Variants in SUPT20H observed in about 807,000 individuals in gnomAD.
SUPT20H encodes the protein SPT20 homolog, SAGA complex component, also known as transcription factor SPT20 homolog.
A neutral mutation model predicts 122.8 loss-of-function variants in SUPT20H; 82 were observed. The ratio of observed to expected loss-of-function variants is 0.67; its 90% confidence interval spans 0.56 to 0.80. SUPT20H has a LOEUF of 0.80. Among genes scored for constraint, SUPT20H ranks in the 30% least tolerant of loss-of-function variants. The pLI is 0.00. For synonymous variants in SUPT20H, 291 were observed against 313.0 expected, an observed-to-expected ratio of 0.93 and a Z score of 0.74; for missense variants, 831 against 921.6, an observed-to-expected ratio of 0.90 and a Z score of 1.27.
intron 15 of SUPT20H, among the ~76,000 whole-genome samples, chr13:37,026,570 CTGAACTAACA>C (rs2062321947): frequency 1.3e-5 from 2 of 152,198 alleles, no homozygotes; most frequent in South Asian, 4.1e-4. Context: ...AGCAAAATCA[CTGAACTAACA>C]TGTGCAAAGG....
At chr13:37,057,728 C>T (rs923988151) in intron 1 of SUPT20H, among the ~76,000 whole-genome samples, 2 of 152,020 alleles carry the variant, frequency 1.3e-5, no homozygotes, top group African/African-American at 4.8e-5. Context: ...AATCCCAGCA[C>T]TTTGGGAGGC....
intron 12 of SUPT20H, among the ~76,000 whole-genome samples, 191 bp downstream of exon 12, chr13:37,031,376 C>T (rs2063293338): frequency 6.6e-6 from 1 of 151,984 alleles, no homozygotes; most frequent in South Asian, 2.1e-4. Context: ...GAACAATACA[C>T]AGCTTCTAAA....
intron 9 of SUPT20H, among the ~76,000 whole-genome samples, chr13:37,036,567 G>A (rs148287521): frequency 0.024 from 3,617 of 151,986 alleles, 104 homozygotes; most frequent in African/African-American, 0.071. Flanking sequence ...TGATCCACCC[G>A]CCTCAGCCTC....
At chr13:37,026,047 A>G (rs2062199564) in intron 16 of SUPT20H, 157 bp downstream of exon 16, 2 of 504,148 alleles carry the variant, frequency 4.0e-6, no homozygotes, top group East Asian at 7.0e-5. Flanking sequence ...CCAATGCCCT[A>G]ATTTTACAAC....
Position 37,022,697 on chromosome 13 carries a change from T to G in SUPT20H, c.1592-617A>C, listed in dbSNP as rs1428359943. On this transcript the variant is annotated intron_variant, in intron 19 of 25. Transcript: ENST00000350612. The surrounding 1 kb of genome is among the most constrained non-coding windows in gnomAD (Gnocchi z 4.5). ...AATTCAAGACTTCATTTAAAAATAT[T>G]GCTTATTTAGTGTAAAAGTCTGAGA... 6 of 991,390 alleles carry G rather than the reference T, an allele frequency of 6.1e-6. No homozygotes were observed. The highest frequency in any genetic ancestry group is 7.2e-6 in the Non-Finnish European group (6 of 831,908). The allele number at this position is 991,390 out of a possible 1,614,324, so 61.4% of individuals were successfully genotyped here.
intron 22 of SUPT20H, among the ~76,000 whole-genome samples, chr13:37,018,467 C>T (rs9547718): frequency 0.82 from 124,480 of 152,142 alleles, 51,905 homozygotes; most frequent in East Asian, 1. Context: ...GAGAATTTCC[C>T]GATTTGTTAA....
In SUPT20H at chr13:37,051,476, G is replaced by A. The variant is rs368405281; in HGVS notation, c.3+12C>T. The A allele has an allele frequency of 2.4e-5, 39 of 1,610,220 alleles. No homozygotes were observed. Among genetic ancestry groups the A allele is most frequent in the Non-Finnish European group, 3.3e-5 (39 of 1,177,332 alleles). The stretch of plus-strand genomic sequence containing the variant: ...TAAAACACAAATTTGAACATACTGA[G>A]CTGAAGCTTACCATTATGGCATAAA... On this transcript the variant is annotated intron_variant, in intron 2 of 25. Coordinates refer to ENST00000350612, the MANE Select transcript of SUPT20H (RefSeq NM_001014286.3).
chr13:37,043,995 G>T, intron 7 of SUPT20H, 83 bp downstream of exon 7: 117 of 759,682 alleles, frequency 1.5e-4, no homozygotes, highest in Middle Eastern at 3.9e-4. Context: ...ATACATATAT[G>T]TATACATACA....
chr13:37,033,690 G>A, intron 9 of SUPT20H, 102 bp from the exon 10 acceptor site: 2 of 1,275,882 alleles, frequency 1.6e-6, no homozygotes, highest in Non-Finnish European at 2.1e-6. Context: ...ATTCTGCTAA[G>A]GACTACAGTA....
At chr13:37,057,957 TAG>T (rs1364718392) in intron 1 of SUPT20H, among the ~76,000 whole-genome samples, 2 of 108,746 alleles carry the variant, frequency 1.8e-5, no homozygotes, top group Admixed American at 1.3e-4. Flanking sequence ...CTGGACGACA[TAG>T]AGAGACTCCG....
In SUPT20H at chr13:37,027,062, AT is replaced by A. The variant is rs1385409183; in HGVS notation, c.1152-247del. 1.1e-4 allele frequency among the ~76,000 whole-genome samples: 16 copies of A among 152,230 alleles called. No individual in the cohort carries two copies. In the East Asian group the frequency reaches 2.9e-3, roughly 27 times the overall value. ...CCTTGTGTTCTACAAAAATAAGTTA[AT>A]AAATTAAAAATGGCCAATGTATGTT... On this transcript the variant is annotated intron_variant, in intron 14 of 25. Transcript: ENST00000350612.
chr13:37,040,785 G>T, intron 7 of SUPT20H, 93 bp from the exon 8 acceptor site: 3 of 953,978 alleles, frequency 3.1e-6, no homozygotes, highest in Non-Finnish European at 3.4e-6. Context: ...TTACATTCAT[G>T]CAACATTTCT....
rs879392290 is a variant in SUPT20H, at chr13:37,022,561, TAC to T, written c.1592-483_1592-482del. 1.1e-5 allele frequency: 13 copies of T among 1,193,454 alleles called. No individual in the cohort carries two copies. The Admixed American group carries it at 5.1e-4, about 46-fold the overall frequency. 73.9% of individuals were successfully genotyped at this position (1,193,454 alleles called of 1,614,324 possible). ...TGCTATTGCAGTAACAGTAAAAATA[TAC>T]AGTTATATTCTACCACAATACCCAT... On this transcript the variant is annotated intron_variant, in intron 19 of 25. Coordinates refer to ENST00000350612, the MANE Select transcript of SUPT20H (RefSeq NM_001014286.3). The surrounding 1 kb of genome is among the most constrained non-coding windows in gnomAD (Gnocchi z 4.5).
intron 12 of SUPT20H, 114 bp from the exon 13 acceptor site, chr13:37,029,950 G>C (rs2063009655): frequency 1.4e-6 from 1 of 716,934 alleles, no homozygotes. Flanking sequence ...CAATATACTT[G>C]TTAGCGCAAG....
intron 15 of SUPT20H, 126 bp from the exon 16 acceptor site, chr13:37,026,362 C>A: frequency 1.5e-6 from 1 of 687,440 alleles, no homozygotes; most frequent in Non-Finnish European, 2.1e-6. Flanking sequence ...TTAAATCTAC[C>A]AAGATATGAA....
intron 7 of SUPT20H, 108 bp from the exon 8 acceptor site, chr13:37,040,800 A>G: frequency 2.5e-6 from 2 of 798,516 alleles, no homozygotes; most frequent in Admixed American, 4.0e-5. Flanking sequence ...ATTTCTGGCC[A>G]CTCATGTATG....
At chr13:37,029,337 T>C (rs2062889535) in intron 13 of SUPT20H, among the ~76,000 whole-genome samples, 2 of 152,148 alleles carry the variant, frequency 1.3e-5, no homozygotes, top group African/African-American at 4.8e-5. Context: ...GAGACCAGCC[T>C]GGCCAACATG....
intron 1 of SUPT20H, among the ~76,000 whole-genome samples, chr13:37,055,951 G>C (rs2068891193): frequency 6.6e-6 from 1 of 152,124 alleles, no homozygotes; most frequent in Non-Finnish European, 1.5e-5. Flanking sequence ...TCAATCAGTG[G>C]GCGAAGGATA....
intron 12 of SUPT20H, among the ~76,000 whole-genome samples, chr13:37,031,358 T>C (rs1403895647): frequency 2.0e-5 from 3 of 152,114 alleles, no homozygotes; most frequent in African/African-American, 7.2e-5. Context: ...CAACTTAATG[T>C]GAAAAAAGAA....
Sources: gnomAD v4.1 joint callset for allele counts (sites outside exome capture counted in the v4.1 genomes callset) on GRCh38, gnomAD v4.1.1 for gene constraint, Gnocchi (gnomAD v3.1) non-coding constraint, MANE v1.5 for transcripts, NCBI Gene and HGNC (gene_info 2026-07-23, HGNC 2026-07-21) for gene names.